The following CYTH2 variants were observed in gnomAD, a reference collection of about 807,000 sequenced individuals.
CYTH2 encodes cytohesin 2, also known as cytohesin-2.
In CYTH2, 24 loss-of-function variants were observed where a neutral mutation model predicts 55.4. The ratio of observed to expected loss-of-function variants is 0.43; its 90% CI spans 0.31 to 0.61. The LOEUF (loss-of-function observed/expected upper bound fraction) is 0.61, where lower values mean the gene tolerates loss of function less well. Ranked by LOEUF, CYTH2 falls within the 20% of genes least tolerant of loss-of-function variation. CYTH2 has a pLI of 0.08. For synonymous variants in CYTH2, 221 were observed against 209.6 expected, an observed-to-expected ratio of 1.05 and a Z score of -0.47; for missense variants, 378 against 533.5, an observed-to-expected ratio of 0.71 and a Z score of 2.87.
Position 48,469,686 on chromosome 19 carries a change from C to G in CYTH2, c.19+160C>G. The G allele has an allele frequency of 3.4e-6, 4 of 1,172,666 alleles. No homozygotes were observed. The South Asian group carries it at 7.2e-5, about 21-fold the overall frequency. 72.6% of individuals were successfully genotyped at this position (1,172,666 alleles called of 1,614,324 possible). On this transcript the variant is annotated intron_variant, in intron 1 of 11. Coordinates refer to ENST00000452733, the MANE Select transcript of CYTH2 (RefSeq NM_004228.7). ...TGTTGGGCGCTGGACGGGCTTCCGG[C>G]GGGGCCCGAAAGCCGGGCGTTCCAG...
chr19:48,474,452 C>G lies in CYTH2; in HGVS notation c.696+122C>G. ...TCACCCCCAAGATGGTGCGATCATG[C>G]CAACTCGTGTGTGATCTTTTTCTCT... On this transcript the variant is annotated intron_variant, in intron 7 of 11. Coordinates refer to ENST00000452733, the MANE Select transcript of CYTH2 (RefSeq NM_004228.7). The surrounding 1 kb of genome is among the most constrained non-coding windows in gnomAD (Gnocchi z 4.9). 9.6e-7 allele frequency: 1 copy of G among 1,044,000 alleles called. No homozygotes were observed. Among genetic ancestry groups the G allele is most frequent in the Non-Finnish European group, 1.3e-6 (1 of 740,890 alleles). 64.7% of individuals were successfully genotyped at this position (1,044,000 alleles called of 1,614,324 possible).
chr19:48,473,282 T>C lies in CYTH2; in HGVS notation c.354-16T>C. ...ATCCTTTCCAAACTGTATGTGTCTT[T>C]GTCCCATCCTTCCAGGGAAGAACTG... On this transcript the variant is annotated splice_polypyrimidine_tract_variant and intron_variant, in intron 4 of 11. Transcript: ENST00000452733. 2 of 1,613,894 alleles carry C rather than the reference T, an allele frequency of 1.2e-6. No individual in the cohort carries two copies. The highest frequency in any genetic ancestry group is 1.7e-6 in the Non-Finnish European group (2 of 1,179,838).
intron 3 of CYTH2, among the ~76,000 whole-genome samples, chr19:48,471,292 C>T (rs554758430): frequency 2.0e-5 from 3 of 152,106 alleles, no homozygotes; most frequent in Admixed American, 6.5e-5. Context: ...GCTGGGCTTA[C>T]AGGCTCCCAC....
At chr19:48,479,087 C>T (rs1051487544) in intron 11 of CYTH2, 36 bp from the exon 12 acceptor site, 4 of 1,608,930 alleles carry the variant, frequency 2.5e-6, no homozygotes, top group Non-Finnish European at 2.6e-6. Context: ...GCCTGGACTC[C>T]TTGGCCCTCA....
intron 4 of CYTH2, 150 bp from the exon 5 acceptor site, chr19:48,473,148 G>A (rs1223975518): frequency 2.6e-6 from 2 of 768,804 alleles, no homozygotes; most frequent in African/African-American, 3.4e-5. Context: ...CTGGGGGCAG[G>A]CCTGTGTGGG....
intron 11 of CYTH2, 57 bp downstream of exon 11, chr19:48,478,649 C>T: frequency 6.8e-7 from 1 of 1,459,876 alleles, no homozygotes; most frequent in Non-Finnish European, 9.1e-7. Flanking sequence ...ACTCCTGGGT[C>T]TGATGGAGGA....
At chr19:48,472,287 CT>C (rs1555898193) in intron 3 of CYTH2, 37 bp from the exon 4 acceptor site, 2 of 1,599,348 alleles carry the variant, frequency 1.3e-6, no homozygotes, top group Non-Finnish European at 1.7e-6. Flanking sequence ...GGGTGGCTTT[CT>C]GGCCCTCAGC....
In CYTH2 at chr19:48,474,793, G is replaced by T; in HGVS notation, c.697-45G>T. 6.2e-7 allele frequency: 1 copy of T among 1,600,758 alleles called. No homozygotes were observed. The highest frequency in any genetic ancestry group is 1.3e-5 in the African/African-American group (1 of 74,658). On this transcript the variant is annotated intron_variant, in intron 7 of 11. Transcript: ENST00000452733. This position sits in a 1 kb window ranked among gnomAD's most constrained non-coding sequence, Gnocchi z 4.9. ...GCCCCCCACCCTGAGTAACCCTGGG[G>T]GGCCCCAGGGGGCTCGAATGGCTAA...
At chr19:48,472,040 C>T (rs1035284946) in intron 3 of CYTH2, among the ~76,000 whole-genome samples, 6 of 152,096 alleles carry the variant, frequency 3.9e-5, no homozygotes, top group African/African-American at 4.8e-5. Context: ...TGCAATAGAG[C>T]GAGACCAGGT....
chr19:48,473,383 G>A lies in CYTH2; in HGVS notation c.434+5G>A, dbSNP rs1971843363. ...CAATCTGGTGCAGGCCCTCAGGTGAGTGAGGGGGAGGGGTTTGGAACGCCA... is the reference window on the plus strand; with the variant it reads ...CAATCTGGTGCAGGCCCTCAGGTGAATGAGGGGGAGGGGTTTGGAACGCCA... On this transcript the variant is annotated splice_donor_5th_base_variant and intron_variant, in intron 5 of 11. Coordinates refer to ENST00000452733, the MANE Select transcript of CYTH2 (RefSeq NM_004228.7). 2.5e-6 allele frequency: 4 copies of A among 1,613,858 alleles called. No homozygotes were observed. The highest frequency in any genetic ancestry group is 1.7e-5 in the Admixed American group (1 of 60,032).
intron 4 of CYTH2, chr19:48,472,906 C>T (rs1971833220): frequency 6.5e-6 from 2 of 307,040 alleles, no homozygotes; most frequent in South Asian, 6.4e-5. Flanking sequence ...CTGTGGACGT[C>T]TGGGAATCAG....
chr19:48,473,786 A>G, intron 5 of CYTH2, 119 bp from the exon 6 acceptor site: 1 of 770,870 alleles, frequency 1.3e-6, no homozygotes, highest in Non-Finnish European at 2.1e-6. Flanking sequence ...CATACCTGAA[A>G]CAACTGCTGA....
chr19:48,472,552 CAG>C, intron 4 of CYTH2, 109 bp downstream of exon 4: 1 of 889,266 alleles, frequency 1.1e-6, no homozygotes, highest in Non-Finnish European at 1.8e-6. Context: ...AGCCTCCCCG[CAG>C]AGGGGCCCTG....
intron 3 of CYTH2, among the ~76,000 whole-genome samples, chr19:48,471,153 G>A (rs1363095939): frequency 7.6e-6 from 1 of 130,978 alleles, no homozygotes; most frequent in African/African-American, 4.2e-5. Context: ...AAAGGCTTTT[G>A]TTCACCTACT....
chr19:48,475,253 C>A, intron 8 of CYTH2: 7 of 351,560 alleles, frequency 2.0e-5, no homozygotes, highest in Non-Finnish European at 3.6e-5. Flanking sequence ...ATTGTCCTTT[C>A]GTGGGAGAAG....
rs950379598 is a variant in CYTH2, at chr19:48,479,727, G to A, written c.*517G>A. ...CCATCGTTGCTTTCATGGGGCTTGA[G>A]GTCTTTGAGGGGCAGGAGATGAAGC... On this transcript the variant is annotated 3_prime_UTR_variant, in exon 12 of 12. Coordinates refer to ENST00000452733, the MANE Select transcript of CYTH2 (RefSeq NM_004228.7). 6.3e-6 allele frequency: 1 copy of A among 158,590 alleles called. No homozygotes were observed. 9.8% of individuals were successfully genotyped at this position (158,590 alleles called of 1,614,324 possible).
At chr19:48,477,757 CGAG>C (rs1971946570) in intron 8 of CYTH2, 1 of 408,064 alleles carries the variant, frequency 2.5e-6, no homozygotes, top group Non-Finnish European at 4.4e-6. Context: ...CATCACTAGA[CGAG>C]GGGAGGGGGC....
intron 10 of CYTH2, 26 bp downstream of exon 10, chr19:48,478,372 T>TGGTAAG (rs771179411): frequency 1.2e-6 from 2 of 1,613,846 alleles, no homozygotes; most frequent in Admixed American, 1.7e-5. Context: ...TACACCTTCC[T>TGGTAAG]GCCAGGGCGG....
At position 48,475,891 on chromosome 19, in the gene CYTH2, G is replaced by A. The variant is rs115251031; in HGVS notation, c.808+942G>A. ...AGATGTGGTTTATAATGGAGACACG[G>A]TGCACAGCTGCTCCAGAGAGACACA... On this transcript the variant is annotated intron_variant, in intron 8 of 11. Coordinates refer to ENST00000452733, the MANE Select transcript of CYTH2 (RefSeq NM_004228.7). The A allele has an allele frequency of 2.0e-3, 746 of 375,468 alleles. 8 individuals carry two copies. Among genetic ancestry groups the A allele is most frequent in the African/African-American group, 0.014 (666 of 47,644 alleles). The allele number at this position is 375,468 out of a possible 1,614,324, so 23.3% of individuals were successfully genotyped here.
Sources: gnomAD v4.1 joint callset for allele counts (sites outside exome capture counted in the v4.1 genomes callset) on GRCh38, gnomAD v4.1.1 for gene constraint, Gnocchi (gnomAD v3.1) non-coding constraint, MANE v1.5 for transcripts, NCBI Gene and HGNC (gene_info 2026-07-23, HGNC 2026-07-21) for gene names.